CFAP299: variants seen among roughly 807,000 people sequenced by gnomAD.
The protein encoded by CFAP299 is cilia and flagella associated protein 299.
A neutral mutation model predicts 27.0 loss-of-function variants in CFAP299; 21 were observed. That is an observed-to-expected ratio of 0.78 (90% confidence interval 0.55 to 1.12). The LOEUF (loss-of-function observed/expected upper bound fraction) is 1.12, where lower values mean the gene tolerates loss of function less well. Ranked by LOEUF, CFAP299 falls within the 50% of genes most tolerant of loss-of-function variation. The pLI is 0.00. For synonymous variants in CFAP299, 104 were observed against 98.1 expected (o/e 1.06, Z -0.36); for missense variants, 310 against 276.6 (o/e 1.12, Z -0.86).
chr4:80,442,754 G>GT (rs1435857363), intron 2 of CFAP299, among the ~76,000 whole-genome samples: 2 of 152,086 alleles, frequency 1.3e-5, no homozygotes, highest in African/African-American at 2.4e-5. Context: ...CCAGGAGCTG[G>GT]TTTTTTGAAA....
rs561181509 is a variant in CFAP299 at position 80,565,296 on chromosome 4, C to T, written c.243-17797C>T. ...TATTCCTACAATCAAGTACTATGTA[C>T]CTAAAAAAGGAGTGAAATGTCTGTT... On this transcript the variant is annotated intron_variant, in intron 2 of 5. Coordinates refer to ENST00000358105, the MANE Select transcript of CFAP299 (RefSeq NM_152770.3). 5.1e-3 allele frequency among the ~76,000 whole-genome samples: 772 copies of T among 152,014 alleles called. 5 individuals carry two copies. Among genetic ancestry groups the T allele is most frequent in the Middle Eastern group, 0.021 (6 of 292 alleles).
intron 2 of CFAP299, among the ~76,000 whole-genome samples, chr4:80,456,157 T>C (rs1261375697): frequency 6.6e-6 from 1 of 152,074 alleles, no homozygotes; most frequent in African/African-American, 2.4e-5. Context: ...CCAAACCCCA[T>C]GCTTGGACAC....
At chr4:80,484,294 C>T (rs917221192) in intron 2 of CFAP299, among the ~76,000 whole-genome samples, 10 of 152,046 alleles carry the variant, frequency 6.6e-5, no homozygotes, top group African/African-American at 2.4e-4. Flanking sequence ...GAATAAAGAA[C>T]TTCTGGAAGT....
chr4:80,356,965 T>C (rs1364925105), intron 1 of CFAP299, among the ~76,000 whole-genome samples: 1 of 152,164 alleles, frequency 6.6e-6, no homozygotes, highest in East Asian at 1.9e-4. Context: ...TGATATTGGC[T>C]GTGGGTTTGT....
At chr4:80,379,220 G>T (rs1240423135) in intron 2 of CFAP299, among the ~76,000 whole-genome samples, 2 of 152,000 alleles carry the variant, frequency 1.3e-5, no homozygotes, top group Non-Finnish European at 1.5e-5. Flanking sequence ...TAGGCATAAA[G>T]TCATTCTTAA....
At chr4:80,639,039 C>T (rs971745764) in intron 3 of CFAP299, among the ~76,000 whole-genome samples, 3 of 152,072 alleles carry the variant, frequency 2.0e-5, no homozygotes, top group Non-Finnish European at 2.9e-5. Context: ...TCTTATAAGG[C>T]CACTACTCCT....
intron 2 of CFAP299, among the ~76,000 whole-genome samples, chr4:80,544,544 A>G (rs1382634907): frequency 1.3e-5 from 2 of 152,214 alleles, no homozygotes; most frequent in Non-Finnish European, 2.9e-5. Context: ...CAAATGGAAA[A>G]CAAAAAAGAA....
At chr4:80,364,176 A>G (rs959222092) in intron 2 of CFAP299, among the ~76,000 whole-genome samples, 5 of 151,418 alleles carry the variant, frequency 3.3e-5, no homozygotes, top group Non-Finnish European at 7.4e-5. Context: ...TCTGTATAGT[A>G]TATCACAAGG....
At chr4:80,420,250 C>A (rs1727229186) in intron 2 of CFAP299, 1 of 455,740 alleles carries the variant, frequency 2.2e-6, no homozygotes, top group Middle Eastern at 3.3e-4. Context: ...TAGATCTGGA[C>A]AAAGAAAAGC....
intron 2 of CFAP299, among the ~76,000 whole-genome samples, chr4:80,544,919 A>T (rs1034148768): frequency 3.9e-5 from 6 of 152,218 alleles, no homozygotes; most frequent in Admixed American, 3.9e-4. Flanking sequence ...CATTCTTCTT[A>T]TGTGCACATG....
At chr4:80,577,053 A>T (rs1735903993) in intron 2 of CFAP299, among the ~76,000 whole-genome samples, 1 of 152,150 alleles carries the variant, frequency 6.6e-6, no homozygotes, top group South Asian at 2.1e-4. Flanking sequence ...CTACTGATTT[A>T]TGTTCCTTCT....
intron 2 of CFAP299, among the ~76,000 whole-genome samples, chr4:80,467,345 A>G (rs757177249): frequency 6.1e-4 from 93 of 152,308 alleles, no homozygotes; most frequent in Middle Eastern, 6.8e-3. Context: ...ACCTTGATGT[A>G]CCATTCTTAC....
intron 2 of CFAP299, among the ~76,000 whole-genome samples, chr4:80,521,752 C>T (rs949695614): frequency 8.6e-5 from 13 of 151,878 alleles, no homozygotes; most frequent in Non-Finnish European, 1.9e-4. Flanking sequence ...AGCAAAATAT[C>T]CACAAGGTTC....
chr4:80,781,826 A>G (rs567299740), intron 3 of CFAP299, among the ~76,000 whole-genome samples: 68 of 151,964 alleles, frequency 4.5e-4, no homozygotes, highest in South Asian at 1.2e-3. Flanking sequence ...CTAAGCCACA[A>G]TAGAATAAAA....
chr4:80,773,101 A>T (rs1436110797), intron 3 of CFAP299, among the ~76,000 whole-genome samples: 1 of 152,162 alleles, frequency 6.6e-6, no homozygotes, highest in African/African-American at 2.4e-5. Flanking sequence ...CAGCAAACTA[A>T]CACAGGAACA....
chr4:80,902,582 T>TACACAC (rs1258597633), intron 4 of CFAP299, among the ~76,000 whole-genome samples: 1 of 55,000 alleles, frequency 1.8e-5, no homozygotes, highest in African/African-American at 5.2e-5. Context: ...ATATATGTAA[T>TACACAC]ATATACACAC....
chr4:80,668,892 A>C (rs979291115), intron 3 of CFAP299, among the ~76,000 whole-genome samples: 3 of 152,044 alleles, frequency 2.0e-5, no homozygotes, highest in Non-Finnish European at 4.4e-5. Context: ...CTGAATCTAT[A>C]AAGTGCTTTG....
chr4:80,939,003 CA>C (rs1384212377), intron 4 of CFAP299, among the ~76,000 whole-genome samples: 1 of 152,146 alleles, frequency 6.6e-6, no homozygotes, highest in African/African-American at 2.4e-5. Flanking sequence ...GGCCCATAAA[CA>C]TTCTACTCAG....
intron 2 of CFAP299, among the ~76,000 whole-genome samples, chr4:80,487,005 T>C (rs923533840): frequency 1.3e-5 from 2 of 152,128 alleles, no homozygotes; most frequent in African/African-American, 4.8e-5. Context: ...TCTCTGAGAG[T>C]AGTGCTTGAG....
Sources: gnomAD v4.1 joint callset for allele counts (sites outside exome capture counted in the v4.1 genomes callset) on GRCh38, gnomAD v4.1.1 for gene constraint, MANE v1.5 for transcripts, NCBI Gene and HGNC (gene_info 2026-07-23, HGNC 2026-07-21) for gene names.